The following PIK3C3 variants were observed in gnomAD, a reference collection of about 807,000 sequenced individuals.
The protein encoded by PIK3C3 is phosphatidylinositol 3-kinase catalytic subunit type 3.
PIK3C3 carries 95 observed loss-of-function variants against 126.1 expected under a neutral mutation model. That is an observed-to-expected ratio of 0.75 (90% confidence interval 0.64 to 0.89). The LOEUF is 0.89. Ranked by LOEUF, PIK3C3 falls within the 40% of genes least tolerant of loss-of-function variation. The pLI is 0.00. For missense variants in PIK3C3, 829 were observed against 1,063.2 expected, an observed-to-expected ratio of 0.78 and a Z score of 3.06; for synonymous variants, 374 against 360.0, an observed-to-expected ratio of 1.04 and a Z score of -0.44.
intron 1 of PIK3C3, among the ~76,000 whole-genome samples, chr18:41,956,296 A>G (rs1051261575): frequency 6.6e-6 from 1 of 152,214 alleles, no homozygotes; most frequent in African/African-American, 2.4e-5. Flanking sequence ...TTCGCTGACA[A>G]ATACTTTACT....
Position 42,010,273 on chromosome 18 carries a change from G to C in PIK3C3, c.1171-3169G>C, listed in dbSNP as rs1254414974. ...TTCATCTGTTCAAGTTTTAGCATGA[G>C]ATTGCAGCAATTCAGTCACATGTTC... On this transcript the variant is annotated intron_variant, in intron 10 of 24. Transcript: ENST00000262039. 3.9e-5 allele frequency among the ~76,000 whole-genome samples: 6 copies of C among 152,288 alleles called. No individual in the cohort carries two copies. The East Asian group carries it at 7.7e-4, about 20-fold the overall frequency.
intron 20 of PIK3C3, 106 bp from the exon 21 acceptor site, chr18:42,049,423 TTA>T (rs1984694000): frequency 9.3e-6 from 6 of 643,982 alleles, no homozygotes; most frequent in Non-Finnish European, 1.6e-5. Context: ...ACCAGAGACA[TTA>T]GAAAACAAAT....
chr18:42,001,556 GTCTT>G (rs1982292153), intron 9 of PIK3C3, among the ~76,000 whole-genome samples: 3 of 152,192 alleles, frequency 2.0e-5, no homozygotes, highest in Non-Finnish European at 4.4e-5. Flanking sequence ...CTTACTTTTT[GTCTT>G]TCTTATTCTT....
intron 22 of PIK3C3, among the ~76,000 whole-genome samples, chr18:42,060,279 A>G (rs904001037): frequency 3.3e-5 from 5 of 152,168 alleles, no homozygotes; most frequent in Non-Finnish European, 5.9e-5. Flanking sequence ...ACTGAATAAC[A>G]TTGTACCACA....
chr18:41,980,030 A>G (rs1489225968), intron 4 of PIK3C3, among the ~76,000 whole-genome samples: 2 of 152,094 alleles, frequency 1.3e-5, no homozygotes, highest in African/African-American at 4.8e-5. Context: ...ATGTGAAATA[A>G]TGTTGATGAA....
At chr18:42,079,956 T>A (rs1157513306) in intron 24 of PIK3C3, among the ~76,000 whole-genome samples, 1 of 136,412 alleles carries the variant, frequency 7.3e-6, no homozygotes, top group African/African-American at 2.8e-5. Context: ...AGTGTGTGTG[T>A]GTGTGTGTGT....
At chr18:41,990,061 G>A (rs1327158642) in intron 5 of PIK3C3, among the ~76,000 whole-genome samples, 1 of 151,910 alleles carries the variant, frequency 6.6e-6, no homozygotes, top group African/African-American at 2.4e-5. Context: ...TGATTTCTAT[G>A]GTTTAGTCAT....
chr18:42,074,415 A>G (rs1172573743), intron 24 of PIK3C3, among the ~76,000 whole-genome samples: 1 of 152,144 alleles, frequency 6.6e-6, no homozygotes, highest in Non-Finnish European at 1.5e-5. Context: ...TGAACAGATA[A>G]GTAGAAAATA....
intron 10 of PIK3C3, among the ~76,000 whole-genome samples, chr18:42,010,032 A>T (rs906195846): frequency 2.2e-4 from 33 of 152,210 alleles, no homozygotes; most frequent in African/African-American, 7.5e-4. Flanking sequence ...TGTCTGCAGC[A>T]TGCAATGCTG....
At chr18:42,010,531 A>G (rs1425142064) in intron 10 of PIK3C3, among the ~76,000 whole-genome samples, 1 of 151,772 alleles carries the variant, frequency 6.6e-6, no homozygotes, top group Non-Finnish European at 1.5e-5. Flanking sequence ...GCGCCCACCT[A>G]ATTTTTGTAT....
intron 21 of PIK3C3, among the ~76,000 whole-genome samples, chr18:42,056,489 G>T (rs1985070878): frequency 6.6e-6 from 1 of 152,106 alleles, no homozygotes; most frequent in Non-Finnish European, 1.5e-5. Context: ...TTGTGTCAGA[G>T]ATTGACCGGA....
intron 9 of PIK3C3, among the ~76,000 whole-genome samples, chr18:42,002,435 A>G (rs1322552015): frequency 6.6e-6 from 1 of 152,204 alleles, no homozygotes; most frequent in Non-Finnish European, 1.5e-5. Flanking sequence ...CAGTATGGCA[A>G]TTATCTTCAA....
At chr18:42,004,140 T>C (rs117845228) in intron 9 of PIK3C3, among the ~76,000 whole-genome samples, 1 of 152,304 alleles carries the variant, frequency 6.6e-6, no homozygotes, top group East Asian at 1.9e-4. Context: ...CGCAAATGAT[T>C]TGGCCTGGAA....
At chr18:42,025,760 A>G (rs991932267) in intron 13 of PIK3C3, 1 of 152,240 alleles carries the variant, frequency 6.6e-6, no homozygotes. Flanking sequence ...GGAATTCAAG[A>G]TTAGACCTTA....
At chr18:42,031,752 T>C (rs527554183) in intron 15 of PIK3C3, among the ~76,000 whole-genome samples, 2 of 152,320 alleles carry the variant, frequency 1.3e-5, no homozygotes, top group East Asian at 3.9e-4. Context: ...AATTAACACT[T>C]TCACTGTTAA....
In PIK3C3 at chr18:42,081,504, A is replaced by G. The variant is rs973202060; in HGVS notation, c.*367A>G. 11 of 202,082 alleles carry G rather than the reference A, an allele frequency of 5.4e-5. No homozygotes were observed. Among genetic ancestry groups the G allele is most frequent in the Non-Finnish European group, 5.0e-5 (5 of 100,130 alleles). The allele number at this position is 202,082 out of a possible 1,614,324, so 12.5% of individuals were successfully genotyped here. ...TTAAAATGTTATTTTTTCCTCTTAT[A>G]TCTTCATATCAGGACAGCAGTAACC... On this transcript the variant is annotated 3_prime_UTR_variant, in exon 25 of 25. Transcript: ENST00000262039.
intron 15 of PIK3C3, among the ~76,000 whole-genome samples, chr18:42,031,048 A>G (rs904425190): frequency 1.3e-5 from 2 of 152,234 alleles, no homozygotes; most frequent in Non-Finnish European, 2.9e-5. Context: ...TAGGCATTTT[A>G]TCATGATATG....
At chr18:41,990,778 G>C (rs564575178) in intron 6 of PIK3C3, among the ~76,000 whole-genome samples, 1 of 152,138 alleles carries the variant, frequency 6.6e-6, no homozygotes, top group South Asian at 2.1e-4. Flanking sequence ...AATTCAATAA[G>C]TATGCAAGTG....
chr18:42,040,763 T>A, intron 19 of PIK3C3, 22 bp downstream of exon 19: 1 of 1,456,878 alleles, frequency 6.9e-7, no homozygotes, highest in Non-Finnish European at 9.6e-7. Flanking sequence ...ATAAAGATTA[T>A]GCAATTCATG....
Sources: allele counts gnomAD v4.1 joint callset (sites outside exome capture counted in the v4.1 genomes callset), GRCh38; gene constraint gnomAD v4.1.1; transcripts MANE v1.5; gene names NCBI Gene and HGNC (gene_info 2026-07-23, HGNC 2026-07-21).